PMFBP1: variants seen among roughly 807,000 people sequenced by gnomAD.
The protein encoded by PMFBP1 is polyamine-modulated factor 1-binding protein 1.
A neutral mutation model predicts 137.8 loss-of-function variants in PMFBP1; 131 were observed. The observed-to-expected ratio is 0.95, with a 90% CI of 0.82 to 1.10. The LOEUF is 1.10. PMFBP1 is among the 50% of genes least tolerant of loss of function. PMFBP1 has a pLI of 0.00. For synonymous variants in PMFBP1, 490 were observed against 450.4 expected, an observed-to-expected ratio of 1.09 and a Z score of -1.11; for missense variants, 1,199 against 1,175.4, an observed-to-expected ratio of 1.02 and a Z score of -0.29.
the PMFBP1 span, among the ~76,000 whole-genome samples, chr16:72,236,943 T>A: frequency 1.3e-5 from 2 of 152,228 alleles, no homozygotes; most frequent in African/African-American, 4.8e-5. Context: ...CCCTTTTATA[T>A]GCAAAATACT....
chr16:72,222,373 G>A, the PMFBP1 span, among the ~76,000 whole-genome samples: 1 of 152,154 alleles, frequency 6.6e-6, no homozygotes, highest in South Asian at 2.1e-4. Context: ...AAACTAGAAA[G>A]GCTTTTTGTT....
chr16:72,148,323 G>A (rs2042845510), intron 5 of PMFBP1, among the ~76,000 whole-genome samples: 1 of 133,466 alleles, frequency 7.5e-6, no homozygotes, highest in Non-Finnish European at 1.5e-5. Flanking sequence ...TGAACAATGA[G>A]AACACATGGA....
chr16:72,123,358 G>A (rs1412761621), intron 18 of PMFBP1, among the ~76,000 whole-genome samples, 188 bp downstream of exon 18: 1 of 152,188 alleles, frequency 6.6e-6, no homozygotes, highest in Non-Finnish European at 1.5e-5. Context: ...CTCAGCAGAG[G>A]GCTTTCCAGG....
chr16:72,222,935 A>G, the PMFBP1 span, among the ~76,000 whole-genome samples: 1 of 152,138 alleles, frequency 6.6e-6, no homozygotes, highest in Non-Finnish European at 1.5e-5. Flanking sequence ...GGACAGCTGC[A>G]GTCTTATAGG....
the PMFBP1 span, among the ~76,000 whole-genome samples, chr16:72,201,785 T>C: frequency 6.6e-6 from 1 of 152,152 alleles, no homozygotes. Context: ...CCTTGATTTA[T>C]TAAAAAATAC....
chr16:72,228,367 T>C, the PMFBP1 span, among the ~76,000 whole-genome samples: 6 of 152,222 alleles, frequency 3.9e-5, no homozygotes, highest in African/African-American at 1.2e-4. Context: ...GATTTTGTTA[T>C]GTTGTTGCTT....
rs1211026424 is a variant in PMFBP1, at chr16:72,126,090, G to T, written c.2131C>A (p.Leu711Met). The T allele has an allele frequency of 3.1e-6, 5 of 1,614,050 alleles. No homozygotes were observed. The highest frequency in any genetic ancestry group is 1.7e-5 in the Admixed American group (1 of 60,002). Residue 711 changes from leucine (L) to methionine (M), a missense_variant, in exon 15 of 21, where the codon CTG becomes ATG. Transcript: ENST00000237353. ...KESLMSLQAQ[L>M]DKALQKEKHY... ...TTCTCCTTCTGCAGAGCTTTGTCCA[G>T]CTGGGCCTGCAGGCTCATTAAGGAC...
At chr16:72,215,932 G>A in the PMFBP1 span, among the ~76,000 whole-genome samples, 5 of 152,224 alleles carry the variant, frequency 3.3e-5, no homozygotes, top group African/African-American at 9.6e-5. Context: ...CCCTTTGGGT[G>A]TATATAGATG....
intron 3 of PMFBP1, among the ~76,000 whole-genome samples, chr16:72,157,384 A>T (rs1054991455): frequency 1.3e-5 from 2 of 152,120 alleles, no homozygotes; most frequent in African/African-American, 4.8e-5. Context: ...AAATGTTTGC[A>T]TGGAAGGCCA....
chr16:72,248,560 G>A, the PMFBP1 span, among the ~76,000 whole-genome samples: 1 of 152,162 alleles, frequency 6.6e-6, no homozygotes, highest in Non-Finnish European at 1.5e-5. Context: ...TTTCTTCTTT[G>A]AGATTTGTGT....
At chr16:72,191,305 T>C in the PMFBP1 span, among the ~76,000 whole-genome samples, 1 of 152,358 alleles carries the variant, frequency 6.6e-6, no homozygotes, top group East Asian at 1.9e-4. Context: ...TGCCTACTAA[T>C]TTGGATAAAT....
chr16:72,130,183 T>C lies in PMFBP1; in HGVS notation c.1782+30A>G, dbSNP rs185331696. 2.1e-5 allele frequency: 33 copies of C among 1,607,636 alleles called. No individual in the cohort carries two copies. In the Admixed American group the frequency reaches 4.2e-4, roughly 20 times the overall value. ...GTTTTATCTTAAGCAGAGCAAGCAC[T>C]TGAATGGGCCATCTGCCTGCCCGTC... is the stretch of plus-strand genomic sequence containing the variant. On this transcript the variant is annotated intron_variant, in intron 12 of 20. Transcript: ENST00000237353.
At chr16:72,144,400 A>T (rs1001450350) in intron 5 of PMFBP1, among the ~76,000 whole-genome samples, 1 of 152,164 alleles carries the variant, frequency 6.6e-6, no homozygotes, top group African/African-American at 2.4e-5. Flanking sequence ...TAAAGTCACT[A>T]AAAAACTCTG....
chr16:72,146,462 C>G (rs1262664283), intron 5 of PMFBP1, among the ~76,000 whole-genome samples: 1 of 152,136 alleles, frequency 6.6e-6, no homozygotes, highest in African/African-American at 2.4e-5. Context: ...TGAAACCCAG[C>G]ACAAGACAAG....
the PMFBP1 span, among the ~76,000 whole-genome samples, chr16:72,246,118 C>G: frequency 6.6e-6 from 1 of 152,180 alleles, no homozygotes; most frequent in Admixed American, 6.5e-5. Context: ...GCCAGATTCA[C>G]TCTCATCGGC....
At chr16:72,164,566 G>C (rs2043115325) in intron 3 of PMFBP1, 198 bp downstream of exon 3, 5 of 1,283,382 alleles carry the variant, frequency 3.9e-6, no homozygotes, top group Non-Finnish European at 5.4e-6. Context: ...AGATGGAAAA[G>C]TCCTGAAGGC....
chr16:72,240,962 AGAGT>A, the PMFBP1 span, among the ~76,000 whole-genome samples: 3 of 152,066 alleles, frequency 2.0e-5, no homozygotes, highest in African/African-American at 7.2e-5. Flanking sequence ...AGAGAGAGAG[AGAGT>A]GGCAAAGGTG....
chr16:72,181,193 C>T (rs12325274), upstream of PMFBP1, among the ~76,000 whole-genome samples: 38,722 of 150,590 alleles, frequency 0.26, 5,340 homozygotes, highest in South Asian at 0.39. Flanking sequence ...GAGCCCAGAT[C>T]GAGCCACTGC....
intron 3 of PMFBP1, among the ~76,000 whole-genome samples, chr16:72,155,555 A>G (rs1311451901): frequency 2.6e-5 from 4 of 152,230 alleles, no homozygotes; most frequent in Non-Finnish European, 5.9e-5. Flanking sequence ...ATACATACCT[A>G]TGAATTGAAT....
Sources: gnomAD v4.1 joint callset for allele counts (sites outside exome capture counted in the v4.1 genomes callset) on GRCh38, gnomAD v4.1.1 for gene constraint, MANE v1.5 for transcripts, NCBI Gene and HGNC (gene_info 2026-07-23, HGNC 2026-07-21) for gene names.